Variants in GTPBP1 observed in about 807,000 individuals in gnomAD.
GTPBP1 encodes GTP binding protein 1, also known as GTP-binding protein 1.
Under a neutral mutation model 62.0 loss-of-function variants are expected in GTPBP1, and 23 were observed. The observed-to-expected ratio is 0.37, with a 90% confidence interval of 0.27 to 0.53. The LOEUF is 0.53. GTPBP1 is among the 20% of genes least tolerant of loss of function. The pLI, the probability that GTPBP1 is intolerant of heterozygous loss-of-function variation, is 0.89. For synonymous variants in GTPBP1, 344 were observed against 364.4 expected (o/e 0.94, Z 0.64); for missense variants, 640 against 917.3 (o/e 0.70, Z 3.90).
chr22:38,729,281 G>A (rs1340577537), intron 10 of GTPBP1, 181 bp from the exon 11 acceptor site: 1 of 533,360 alleles, frequency 1.9e-6, no homozygotes, highest in Non-Finnish European at 3.3e-6. Flanking sequence ...GAGTGGGGAT[G>A]AGAATGCCTC....
chr22:38,709,029 T>C, intron 2 of GTPBP1, 73 bp downstream of exon 2: 1 of 893,894 alleles, frequency 1.1e-6, no homozygotes. Context: ...CCGCCTGTAA[T>C]CCCAGCACTT....
Position 38,732,433 on chromosome 22 carries a change from A to T in GTPBP1, c.*1729A>T, listed in dbSNP as rs2092765946. ...CCAGCTGGTGACACGGGACAAGCTTACAAACCTTCTCTGAACCTCAGTTTT... is the reference window on the plus strand; with the variant it reads ...CCAGCTGGTGACACGGGACAAGCTTTCAAACCTTCTCTGAACCTCAGTTTT... On this transcript the variant is annotated 3_prime_UTR_variant, in exon 12 of 12. Transcript: ENST00000216044. 2.0e-5 allele frequency: 3 copies of T among 152,322 alleles called. No homozygotes were observed. The highest frequency in any genetic ancestry group is 7.2e-5 in the African/African-American group (3 of 41,456). The allele number at this position is 152,322 out of a possible 1,614,324, so 9.4% of individuals were successfully genotyped here.
intron 4 of GTPBP1, among the ~76,000 whole-genome samples, chr22:38,718,943 T>G (rs572661179): frequency 6.6e-6 from 1 of 152,342 alleles, no homozygotes; most frequent in South Asian, 2.1e-4. Context: ...TAGCAATCAT[T>G]AACATTTTGC....
chr22:38,709,073 A>C (rs1406488984), intron 2 of GTPBP1, 117 bp downstream of exon 2: 1 of 615,858 alleles, frequency 1.6e-6, no homozygotes, highest in Non-Finnish European at 3.0e-6. Flanking sequence ...ACCTGAGGTC[A>C]GGAGTTCGAG....
Position 38,729,613 on chromosome 22 carries a change from C to T in GTPBP1, c.1868C>T (p.Ser623Phe), listed in dbSNP as rs748545641. ...GCACCCCCACCTGGAGATGAAGCCT[C>T]CTCTGTAGGGGCAGGGCAACCAGCT... Reference protein sequence around the residue: ...VGAPPPGDEASSVGAGQPAAS... With the variant: ...VGAPPPGDEAFSVGAGQPAAS... The change falls in exon 11 of 12, where the codon TCC becomes TTC. Residue 623 changes from serine (S) to phenylalanine (F), a missense_variant. Ser to Phe is a radical substitution (Grantham distance 155). This residue lies in a region of GTPBP1 where 117 missense variants were observed against 107.1 expected (regional missense o/e 1.09). Transcript: ENST00000216044. The T allele has an allele frequency of 7.7e-6, 12 of 1,551,374 alleles. No homozygotes were observed. The highest frequency in any genetic ancestry group is 1.7e-4 in the Middle Eastern group (1 of 5,750).
rs1338212487 is a variant in GTPBP1 at position 38,726,029 on chromosome 22, CCAA to C, written c.1099_1101del (p.Asn367del). ...AGGATGTGCCCGATATTCCAGATCT[CCAA>C]CGTTACAGGCGAGAACCTAGATCTG... On this transcript the variant is annotated inframe_deletion, in exon 7 of 12. Transcript: ENST00000216044. The surrounding 1 kb of genome is among the most constrained non-coding windows in gnomAD (Gnocchi z 4.1). 1 of 1,614,076 alleles carries C rather than the reference CCAA, an allele frequency of 6.2e-7. No homozygotes were observed.
rs1248228856 is a variant in GTPBP1 at position 38,731,723 on chromosome 22, C to G, written c.*1019C>G. On this transcript the variant is annotated 3_prime_UTR_variant, in exon 12 of 12. Coordinates refer to ENST00000216044, the MANE Select transcript of GTPBP1 (RefSeq NM_004286.5). ...CCCCTGAGCCAGGCTGAGACTAGAACCCCATCTTCCCTGAGCCAGGCTGAG... is the reference window on the plus strand; with the variant it reads ...CCCCTGAGCCAGGCTGAGACTAGAAGCCCATCTTCCCTGAGCCAGGCTGAG... 5.9e-5 allele frequency: 9 copies of G among 152,536 alleles called. No homozygotes were observed. The highest frequency in any genetic ancestry group is 2.2e-4 in the African/African-American group (9 of 41,428). 9.4% of individuals were successfully genotyped at this position (152,536 alleles called of 1,614,324 possible).
chr22:38,706,073 G>A lies in GTPBP1; in HGVS notation c.118G>A (p.Gly40Ser), dbSNP rs1181621499. 3 of 1,362,164 alleles carry A rather than the reference G, an allele frequency of 2.2e-6. No homozygotes were observed. The highest frequency in any genetic ancestry group is 3.6e-5 in the Admixed American group (1 of 27,428). 84.4% of individuals were successfully genotyped at this position (1,362,164 alleles called of 1,614,324 possible). The change falls in exon 1 of 12, where the codon GGC (glycine) becomes AGC (serine). Residue 40 changes from glycine to serine, a missense_variant. By Grantham distance (56) the Gly-to-Ser change is moderately conservative. Transcript: ENST00000216044. Reference protein sequence around the residue: ...RAAAAAARLHGGFDSDCSEDG... With the variant: ...RAAAAAARLHSGFDSDCSEDG... ...CGCGGCGGCCGCCGCCCGACTCCAC[G>A]GCGGCTTTGACTCGGACTGCAGCGA...
At chr22:38,740,608 G>A (rs980146326), downstream of GTPBP1, 3 of 646,046 alleles carry the variant, frequency 4.6e-6, no homozygotes, top group East Asian at 5.9e-5. The surrounding 1 kb of genome is among the most constrained non-coding windows in gnomAD (Gnocchi z 4.8). Flanking sequence ...CAGAACCCCT[G>A]CCTGTCCCAA....
rs930120119 is a variant in GTPBP1, at chr22:38,716,546, C to T, written c.486-106C>T. On this transcript the variant is annotated intron_variant, in intron 3 of 11. Coordinates refer to ENST00000216044, the MANE Select transcript of GTPBP1 (RefSeq NM_004286.5). This position sits in a 1 kb window ranked among gnomAD's most constrained non-coding sequence, Gnocchi z 5.2. Reference sequence around the variant, plus strand: ...GGAGGAGCTGTGAGCCGGAGGGGATCGGGGCAAGCCTGGACTTGCGGATCC... The same window carrying T: ...GGAGGAGCTGTGAGCCGGAGGGGATTGGGGCAAGCCTGGACTTGCGGATCC... The T allele has an allele frequency of 3.7e-5, 30 of 803,790 alleles. No homozygotes were observed. Among genetic ancestry groups the T allele is most frequent in the Admixed American group, 1.9e-4 (8 of 43,236 alleles). 49.8% of individuals were successfully genotyped at this position (803,790 alleles called of 1,614,324 possible). A position where few individuals can be genotyped will look rare whatever the true frequency, so the allele number is the denominator to read the frequency against.
At chr22:38,723,593 C>T (rs1324795465) in intron 5 of GTPBP1, 3 of 565,378 alleles carry the variant, frequency 5.3e-6, no homozygotes, top group Non-Finnish European at 6.3e-6. Flanking sequence ...GCTACTTCCT[C>T]CCCTATTTAG....
chr22:38,729,771 C>A, intron 11 of GTPBP1, 109 bp downstream of exon 11: 1 of 730,272 alleles, frequency 1.4e-6, no homozygotes, highest in South Asian at 3.0e-5. Context: ...TAGAGGGTCT[C>A]CTCCACAGCT....
At chr22:38,734,779 G>A (rs1445982943), downstream of GTPBP1, 1 of 177,626 alleles carries the variant, frequency 5.6e-6, no homozygotes, top group African/African-American at 2.4e-5. Context: ...TTAGGATCTG[G>A]AGATAAAAAA....
At chr22:38,733,809 G>A (rs773747895), downstream of GTPBP1, among the ~76,000 whole-genome samples, 17 of 152,232 alleles carry the variant, frequency 1.1e-4, no homozygotes, top group Non-Finnish European at 2.1e-4. Context: ...CCATGGAGCC[G>A]GCAGTGTGAG....
intron 1 of GTPBP1, 23 bp downstream of exon 1, chr22:38,706,170 GGCGCTGAGGGGAGCGGGCGGCTGGCCGA>G (rs1213994244): frequency 1.2e-5 from 15 of 1,223,836 alleles, no homozygotes; most frequent in Non-Finnish European, 1.5e-5. Flanking sequence ...GGCGGCGGCG[GGCGCTGAGGGGAGCGGGCGGCTGGCCGA>G]GCAGTCTCCC....
chr22:38,719,232 C>G (rs2041886177), intron 4 of GTPBP1, among the ~76,000 whole-genome samples: 2 of 152,136 alleles, frequency 1.3e-5, no homozygotes, highest in Admixed American at 1.3e-4. Flanking sequence ...GTCTGGAACT[C>G]CTGACCTCCA....
chr22:38,712,006 G>A (rs774917828), intron 2 of GTPBP1, among the ~76,000 whole-genome samples: 1 of 151,928 alleles, frequency 6.6e-6, no homozygotes, highest in Non-Finnish European at 1.5e-5. Flanking sequence ...TCAGCCTCCC[G>A]CGTAGCTGGG....
At chr22:38,734,259 T>C, downstream of GTPBP1, 1 of 463,950 alleles carries the variant, frequency 2.2e-6, no homozygotes, top group Non-Finnish European at 4.5e-6. Context: ...GTGGGAAAGG[T>C]CAGGGCCTGT....
At chr22:38,737,698 G>C, downstream of GTPBP1, 1 of 357,204 alleles carries the variant, frequency 2.8e-6, no homozygotes. This position sits in a 1 kb window ranked among gnomAD's most constrained non-coding sequence, Gnocchi z 4.1. Context: ...CAGGCTCCTG[G>C]GTCCTGTCAG....
Sources: allele counts gnomAD v4.1 joint callset (sites outside exome capture counted in the v4.1 genomes callset), GRCh38; gene constraint gnomAD v4.1.1; regional missense constraint gnomAD v4.1.1; non-coding constraint Gnocchi (gnomAD v3.1); transcripts MANE v1.5; gene names NCBI Gene and HGNC (gene_info 2026-07-23, HGNC 2026-07-21).